The following ATM variants were observed in gnomAD, a reference collection of about 807,000 sequenced individuals.
The protein encoded by ATM is serine-protein kinase ATM.
In ATM, 308 loss-of-function variants were observed where a neutral mutation model predicts 387.0. That is an observed-to-expected ratio of 0.80 (90% CI 0.73 to 0.87). The LOEUF (loss-of-function observed/expected upper bound fraction) is 0.87, where lower values mean the gene tolerates loss of function less well. Ranked by LOEUF, ATM falls within the 40% of genes least tolerant of loss-of-function variation. ATM has a pLI of 0.00. For synonymous variants in ATM, 1,156 were observed against 1,187.3 expected, an observed-to-expected ratio of 0.97 and a Z score of 0.54; for missense variants, 3,312 against 3,560.9, an observed-to-expected ratio of 0.93 and a Z score of 1.78.
chr11:108,240,463 T>A (rs2079499440), intron 5 of ATM, among the ~76,000 whole-genome samples: 1 of 152,196 alleles, frequency 6.6e-6, no homozygotes, highest in Admixed American at 6.5e-5. Context: ...ATTTCTTTGT[T>A]GCGTGAACGT....
Position 108,270,495 on chromosome 11 carries a change from T to C in ATM, c.2839-569T>C, listed in dbSNP as rs772855331. 6.6e-5 allele frequency among the ~76,000 whole-genome samples: 10 copies of C among 152,280 alleles called. 1 individual carries two copies. The highest frequency in any genetic ancestry group is 6.8e-3 in the Middle Eastern group (2 of 294). On this transcript the variant is annotated intron_variant, in intron 18 of 62. Coordinates refer to ENST00000675843, the MANE Select transcript of ATM (RefSeq NM_000051.4). Reference sequence around the variant, plus strand: ...GTTATCTGGCCAGGTAAGTGATATATCTTCACTCTACTGATGAGGGTACGA... The same window carrying C: ...GTTATCTGGCCAGGTAAGTGATATACCTTCACTCTACTGATGAGGGTACGA...
chr11:108,242,548 A>G (rs2079614211), intron 5 of ATM, among the ~76,000 whole-genome samples: 2 of 152,200 alleles, frequency 1.3e-5, no homozygotes, highest in South Asian at 4.1e-4. Context: ...AATATACACA[A>G]GTATAACATT....
chr11:108,257,395 A>G, intron 14 of ATM, 86 bp from the exon 15 acceptor site: 1 of 1,477,222 alleles, frequency 6.8e-7, no homozygotes, highest in Admixed American at 1.9e-5. Flanking sequence ...ATTTTATAGT[A>G]TGTCCAAGAT....
intron 16 of ATM, among the ~76,000 whole-genome samples, chr11:108,266,245 C>T (rs1453905065): frequency 6.6e-6 from 1 of 150,866 alleles, no homozygotes; most frequent in Non-Finnish European, 1.5e-5. Context: ...AAATGTCCAA[C>T]AATGATAGAC....
intron 59 of ATM, among the ~76,000 whole-genome samples, chr11:108,352,500 T>G (rs996624263): frequency 6.6e-6 from 1 of 152,166 alleles, no homozygotes; most frequent in South Asian, 2.1e-4. Flanking sequence ...GAGGAAACCT[T>G]CAGCATCTAG....
intron 61 of ATM, among the ~76,000 whole-genome samples, chr11:108,356,726 G>C (rs1033010493): frequency 6.6e-6 from 1 of 152,082 alleles, no homozygotes; most frequent in African/African-American, 2.4e-5. Flanking sequence ...AGTTCTTTTA[G>C]GGCCTCAGAA....
chr11:108,301,726 T>G lies in ATM; in HGVS notation c.5256T>G (p.Ile1752Met). ...AGACTGGACATAGTTTCTGGGAGAT[T>G]TATAAGATGACAACAGATCCAATGC... ...ATKTGHSFWEIYKMTTDPMLA... is the reference protein window; with the variant it reads ...ATKTGHSFWEMYKMTTDPMLA... The change falls in exon 35 of 63, where the codon ATT (isoleucine) becomes ATG (methionine). Residue 1752 changes from isoleucine to methionine, a missense_variant. Around this residue, in one of 4 missense-constraint regions of ATM, gnomAD observed 1,405 missense variants for 1,604.4 expected, o/e 0.88. Coordinates refer to ENST00000675843, the MANE Select transcript of ATM (RefSeq NM_000051.4). The G allele has an allele frequency of 6.2e-7, 1 of 1,613,728 alleles. No individual in the cohort carries two copies. Among genetic ancestry groups the G allele is most frequent in the Non-Finnish European group, 8.5e-7 (1 of 1,179,784 alleles).
chr11:108,250,257 G>C (rs2080062467), intron 9 of ATM, among the ~76,000 whole-genome samples: 4 of 151,824 alleles, frequency 2.6e-5, no homozygotes, highest in Admixed American at 2.6e-4. Flanking sequence ...GGTTCAAGCA[G>C]TTATCCTGCC....
At chr11:108,307,136 TTTTTTC>T in intron 37 of ATM, among the ~76,000 whole-genome samples, 2 of 151,846 alleles carry the variant, frequency 1.3e-5, no homozygotes, top group East Asian at 1.9e-4. Context: ...TCACTTTTTC[TTTTTTC>T]TTTTTTTTTT....
rs753806542 is a variant in ATM, at chr11:108,244,046, G to A, written c.590G>A (p.Gly197Glu). ...AGAATAATTCATGCTGTTACCAAAG[G>A]ATGCTGTTCTCAGACTGACGGATTA... ...VARIIHAVTKGCCSQTDGLNS... is the reference protein window; with the variant it reads ...VARIIHAVTKECCSQTDGLNS... The change falls in exon 6 of 63, where the codon GGA (glycine) becomes GAA (glutamate). Residue 197 changes from glycine (G) to glutamate (E), a missense_variant. Around this residue, in one of 4 missense-constraint regions of ATM, gnomAD observed 1,791 missense variants for 1,804.5 expected, o/e 0.99. Coordinates refer to ENST00000675843, the MANE Select transcript of ATM (RefSeq NM_000051.4). 1.2e-5 allele frequency: 19 copies of A among 1,613,374 alleles called. No homozygotes were observed. The South Asian group carries it at 2.0e-4, about 17-fold the overall frequency.
chr11:108,267,257 T>TC lies in ATM; in HGVS notation c.2554dup (p.Gln852ProfsTer8), dbSNP rs2135507546. 6.2e-7 allele frequency: 1 copy of TC among 1,614,018 alleles called. No individual in the cohort carries two copies. Among genetic ancestry groups the TC allele is most frequent in the East Asian group, 2.2e-5 (1 of 44,876 alleles). ...ATGGAAATCTAATGGAGGTGGAGGATCAGTCATCCATGAATCTATTTAACG... is the reference window on the plus strand; with the variant it reads ...ATGGAAATCTAATGGAGGTGGAGGATCCAGTCATCCATGAATCTATTTAACG... On this transcript the variant is annotated frameshift_variant, in exon 17 of 63. Transcript: ENST00000675843. LOFTEE classifies it high-confidence loss of function.
In ATM at chr11:108,299,852, T is replaced by C. The variant is rs747800057; in HGVS notation, c.5144T>C (p.Leu1715Pro). The C allele has an allele frequency of 9.3e-6, 15 of 1,613,842 alleles. No homozygotes were observed. The highest frequency in any genetic ancestry group is 1.3e-5 in the Non-Finnish European group (15 of 1,179,920). Reference protein sequence around the residue: ...DKELQWTFIMLTYLNNTLVED... With the variant: ...DKELQWTFIMPTYLNNTLVED... ...GAACTTCAGTGGACCTTCATAATGC[T>C]GACCTACCTGAATAACACACTGGTA... Residue 1715 changes from leucine to proline, a missense_variant, in exon 34 of 63, where the codon CTG becomes CCG. By Grantham distance (98) the Leu-to-Pro change is moderately conservative. Around this residue, in one of 4 missense-constraint regions of ATM, gnomAD observed 1,405 missense variants for 1,604.4 expected, o/e 0.88. Coordinates refer to ENST00000675843, the MANE Select transcript of ATM (RefSeq NM_000051.4).
chr11:108,268,541 C>T lies in ATM; in HGVS notation c.2770C>T (p.Arg924Trp), dbSNP rs55723361. The part of the protein sequence containing the change: ...NTVSFRAADI[R>W]RKLLMLIDSS... ...TGTGTCCTTTAGGGCAGCTGATATT[C>T]GGAGGAAATTGTTAATGTTAATTGA... is the stretch of plus-strand genomic sequence containing the variant. The change falls in exon 18 of 63, where the codon CGG becomes TGG. Residue 924 changes from arginine (R) to tryptophan (W), a missense_variant. Physicochemically the swap from Arg to Trp is moderately radical, Grantham distance 101 (BLOSUM62 -3). Coordinates refer to ENST00000675843, the MANE Select transcript of ATM (RefSeq NM_000051.4). The T allele has an allele frequency of 3.0e-5, 49 of 1,613,908 alleles. No homozygotes were observed. The Middle Eastern group carries it at 6.6e-4, about 22-fold the overall frequency.
In ATM at chr11:108,334,202, T is replaced by C. The variant is rs527325769; in HGVS notation, c.8010+234T>C. ...TGTTCTACACCTCCCATCTTTCTTA[T>C]GAAGGTCTATAGACTGTTACTTTCA... On this transcript the variant is annotated intron_variant, in intron 54 of 62. Coordinates refer to ENST00000675843, the MANE Select transcript of ATM (RefSeq NM_000051.4). Among the ~76,000 whole-genome samples, 189 of 125,348 alleles carry C rather than the reference T, an allele frequency of 1.5e-3. 1 individual carries two copies. The highest frequency in any genetic ancestry group is 2.7e-3 in the Non-Finnish European group (153 of 56,156). The allele number at this position is 125,348 out of a possible 152,430, so 82.2% of individuals were successfully genotyped here.
chr11:108,262,129 A>G (rs1257854961), intron 16 of ATM, among the ~76,000 whole-genome samples: 4 of 152,054 alleles, frequency 2.6e-5, no homozygotes, highest in Non-Finnish European at 5.9e-5. Context: ...GGAAATACAG[A>G]GAATGCCACA....
rs1185696991 is a variant in ATM, at chr11:108,316,286, C to CA, written c.6198+181dup. Among the ~76,000 whole-genome samples, 420 of 150,686 alleles carry CA rather than the reference C, an allele frequency of 2.8e-3. 2 individuals carry two copies. The highest frequency in any genetic ancestry group is 9.9e-3 in the African/African-American group (407 of 41,036). ...GGGATACTCCTGAAGCAGAGGGATG[C>CA]AAAAAAAAGAGAAAAAATTCAGGGA... On this transcript the variant is annotated intron_variant, in intron 42 of 62. Transcript: ENST00000675843.
chr11:108,254,203 AAAGGAAAAC>A (rs2080330814), intron 13 of ATM, among the ~76,000 whole-genome samples, 164 bp downstream of exon 13: 2 of 152,200 alleles, frequency 1.3e-5, no homozygotes, highest in Middle Eastern at 3.2e-3. Context: ...TAGCATAATT[AAAGGAAAAC>A]TCAAGAATAA....
intron 59 of ATM, among the ~76,000 whole-genome samples, chr11:108,348,887 T>C (rs1017716129): frequency 6.6e-6 from 1 of 152,204 alleles, no homozygotes; most frequent in African/African-American, 2.4e-5. Context: ...ATGAAACATA[T>C]GATTTAATAA....
intron 57 of ATM, 53 bp from the exon 58 acceptor site, chr11:108,345,690 A>C (rs533874867): frequency 7.5e-6 from 10 of 1,331,696 alleles, no homozygotes; most frequent in Admixed American, 2.1e-5. Flanking sequence ...TGTGTATATT[A>C]GTTTAATTGA....
Sources: allele counts gnomAD v4.1 joint callset (sites outside exome capture counted in the v4.1 genomes callset), GRCh38; gene constraint gnomAD v4.1.1; regional missense constraint gnomAD v4.1.1; transcripts MANE v1.5; gene names NCBI Gene and HGNC (gene_info 2026-07-23, HGNC 2026-07-21).